Variants in RALGAPB observed in about 807,000 individuals in gnomAD.
The protein encoded by RALGAPB is ral GTPase-activating protein subunit beta.
Under a neutral mutation model 161.1 loss-of-function variants are expected in RALGAPB, and 25 were observed. The observed-to-expected ratio is 0.16, with a 90% CI of 0.11 to 0.22. The LOEUF (loss-of-function observed/expected upper bound fraction) is 0.22. Ranked by LOEUF, RALGAPB falls within the 10% of genes least tolerant of loss-of-function variation. The probability of loss-of-function intolerance (pLI) is 1.00; values close to 1 mark genes in which losing one functional copy is unlikely to be tolerated. For synonymous variants in RALGAPB, 629 were observed against 626.1 expected, an observed-to-expected ratio of 1.00 and a Z score of -0.07; for missense variants, 1,391 against 1,815.2, an observed-to-expected ratio of 0.77 and a Z score of 4.25.
rs1477775963 is a variant in RALGAPB at position 38,575,711 on chromosome 20, TAA to T, written c.*745_*746del. 6.6e-6 allele frequency: 1 copy of T among 152,244 alleles called. No individual in the cohort carries two copies. The highest frequency in any genetic ancestry group is 2.4e-5 in the African/African-American group (1 of 41,434). 9.4% of individuals were successfully genotyped at this position (152,244 alleles called of 1,614,324 possible). On this transcript the variant is annotated 3_prime_UTR_variant, in exon 30 of 30. Transcript: ENST00000262879. Reference sequence around the variant, plus strand: ...ATAAAGTTTGTGGGGTTAAAAGTTATAAGACAGCAGTGATACCCCACTCTCTC... The same window carrying T: ...ATAAAGTTTGTGGGGTTAAAAGTTATGACAGCAGTGATACCCCACTCTCTC...
intron 22 of RALGAPB, among the ~76,000 whole-genome samples, chr20:38,557,355 G>C (rs1390807595): frequency 6.6e-6 from 1 of 152,106 alleles, no homozygotes; most frequent in Non-Finnish European, 1.5e-5. Flanking sequence ...AACCTGTATT[G>C]GTGCATTACT....
intron 1 of RALGAPB, among the ~76,000 whole-genome samples, chr20:38,473,997 G>C (rs1239529433): frequency 6.6e-6 from 1 of 152,202 alleles, no homozygotes; most frequent in African/African-American, 2.4e-5. Flanking sequence ...GGTTCCACCC[G>C]CAGAGATCTT....
chr20:38,543,787 A>T (rs2087059280), intron 18 of RALGAPB, among the ~76,000 whole-genome samples: 1 of 151,698 alleles, frequency 6.6e-6, no homozygotes, highest in Non-Finnish European at 1.5e-5. Flanking sequence ...AAATCTATCT[A>T]CCTCCATGGG....
chr20:38,506,058 TG>T (rs1438771624), intron 5 of RALGAPB, among the ~76,000 whole-genome samples: 30 of 3,418 alleles, frequency 8.8e-3, no homozygotes, highest in Non-Finnish European at 0.013. Context: ...TGCCTTCTAC[TG>T]CCTGAGTACT....
intron 23 of RALGAPB, 102 bp downstream of exon 23, chr20:38,558,555 C>A (rs2087675730): frequency 1.8e-6 from 2 of 1,142,830 alleles, no homozygotes; most frequent in Non-Finnish European, 1.2e-6. Flanking sequence ...TTTATTTGGG[C>A]CAGAGTTGAG....
At position 38,525,922 on chromosome 20, in the gene RALGAPB, G is replaced by A. The variant is rs750079083; in HGVS notation, c.1930G>A (p.Asp644Asn). 18 of 1,613,256 alleles carry A rather than the reference G, an allele frequency of 1.1e-5. No individual in the cohort carries two copies. In the Admixed American group the frequency reaches 2.7e-4, roughly 24 times the overall value. ...GGTCCTGGAAGGAAAGTTTAGTAAC[G>A]ATGACAGCTCTTCTTATGATAAACC... ...EVVLEGKFSN[D>N]DSSSYDKPIT... is the part of the protein sequence containing the mutation. Residue 644 changes from aspartate (D) to asparagine (N), a missense_variant, in exon 13 of 30, where the codon GAT (aspartate) becomes AAT (asparagine). By Grantham distance (23) the Asp-to-Asn change is conservative (BLOSUM62 1). Coordinates refer to ENST00000262879, the MANE Select transcript of RALGAPB (RefSeq NM_020336.4).
At chr20:38,534,999 G>T in intron 15 of RALGAPB, 75 bp from the exon 16 acceptor site, 4 of 1,518,008 alleles carry the variant, frequency 2.6e-6, no homozygotes, top group African/African-American at 1.4e-5. Context: ...GTGCCTAGTG[G>T]ATGCTGTGCT....
chr20:38,511,633 G>C (rs2085957865), intron 6 of RALGAPB, among the ~76,000 whole-genome samples: 1 of 152,182 alleles, frequency 6.6e-6, no homozygotes, highest in Admixed American at 6.5e-5. Context: ...ATGTTTTAGA[G>C]AGCACGGGGT....
chr20:38,574,095 T>G, intron 28 of RALGAPB, 55 bp from the exon 29 acceptor site: 1 of 1,510,674 alleles, frequency 6.6e-7, no homozygotes, highest in Non-Finnish European at 8.9e-7. Flanking sequence ...AACTCTTGGG[T>G]GTCTCGGGGA....
chr20:38,488,302 C>T, intron 1 of RALGAPB, 101 bp from the exon 2 acceptor site: 1 of 709,812 alleles, frequency 1.4e-6, no homozygotes, highest in Non-Finnish European at 2.2e-6. Context: ...AAGATGTTTG[C>T]AGCATTCTTT....
At position 38,569,981 on chromosome 20, in the gene RALGAPB, C is replaced by T. The variant is rs995476013; in HGVS notation, c.4048C>T (p.Arg1350Cys). 8 of 1,612,196 alleles carry T rather than the reference C, an allele frequency of 5.0e-6. No homozygotes were observed. Among genetic ancestry groups the T allele is most frequent in the South Asian group, 4.4e-5 (4 of 91,020 alleles). ...AAGAGTTTCTGTAGTCTGGGTGGAA[C>T]GCTATGATGATATAGGTACTGTATG... is the stretch of plus-strand genomic sequence containing the variant. The part of the protein sequence containing the change: ...ETRVSVVWVE[R>C]YDDIENFPLS... The change falls in exon 27 of 30, where the codon CGC becomes TGC. Residue 1350 changes from arginine to cysteine, a missense_variant. By Grantham distance (180) the Arg-to-Cys change is radical (BLOSUM62 -3). Transcript: ENST00000262879.
At chr20:38,505,810 A>C (rs1848271840) in intron 5 of RALGAPB, among the ~76,000 whole-genome samples, 1 of 152,196 alleles carries the variant, frequency 6.6e-6, no homozygotes, top group Non-Finnish European at 1.5e-5. Flanking sequence ...TGAACCTGCA[A>C]GATCTCGAAG....
intron 6 of RALGAPB, among the ~76,000 whole-genome samples, chr20:38,510,403 A>C (rs530241535): frequency 6.6e-6 from 1 of 152,320 alleles, no homozygotes; most frequent in South Asian, 2.1e-4. Context: ...ATTTACTGAT[A>C]TTTAGTAGGT....
rs375948582 is a variant in RALGAPB, at chr20:38,488,547, C to G, written c.115C>G (p.Arg39Gly). The G allele has an allele frequency of 6.2e-7, 1 of 1,614,020 alleles. No individual in the cohort carries two copies. The highest frequency in any genetic ancestry group is 1.3e-5 in the African/African-American group (1 of 74,896). ...VGREVANAVV[R>G]PLGQVLGTPS... The stretch of plus-strand genomic sequence containing the variant: ...ACGAGAGGTGGCAAATGCTGTAGTC[C>G]GTCCTCTTGGGCAGGTGTTAGGTAC... The change falls in exon 2 of 30, where the codon CGT becomes GGT. Residue 39 changes from arginine to glycine, a missense_variant. This residue lies in a region of RALGAPB where 946 missense variants were observed against 1,257.2 expected (regional missense o/e 0.75). Coordinates refer to ENST00000262879, the MANE Select transcript of RALGAPB (RefSeq NM_020336.4).
At chr20:38,565,303 T>TA (rs2087953157) in intron 24 of RALGAPB, 56 bp from the exon 25 acceptor site, 29 of 1,585,634 alleles carry the variant, frequency 1.8e-5, no homozygotes, top group Non-Finnish European at 2.4e-5. Flanking sequence ...AGCAAGATGA[T>TA]ACTGGTTTTT....
chr20:38,551,050 T>C (rs1309258684), intron 20 of RALGAPB, 21 bp from the exon 21 acceptor site: 2 of 1,612,198 alleles, frequency 1.2e-6, no homozygotes, highest in Non-Finnish European at 8.5e-7. Flanking sequence ...GTAATAAACA[T>C]AATGTTACTT....
intron 23 of RALGAPB, among the ~76,000 whole-genome samples, chr20:38,559,633 G>T (rs1274339216): frequency 1.3e-5 from 2 of 152,196 alleles, no homozygotes; most frequent in South Asian, 2.1e-4. Context: ...AGCAGAGGTT[G>T]CAGTGAGCCA....
chr20:38,529,660 G>A (rs963493664), intron 13 of RALGAPB, among the ~76,000 whole-genome samples: 7 of 151,676 alleles, frequency 4.6e-5, no homozygotes, highest in Admixed American at 6.6e-5. Flanking sequence ...GTGAAACCCC[G>A]TCTCTACTCA....
At chr20:38,480,233 C>A (rs535468702) in intron 1 of RALGAPB, among the ~76,000 whole-genome samples, 2 of 151,912 alleles carry the variant, frequency 1.3e-5, no homozygotes, top group South Asian at 4.2e-4. Flanking sequence ...CAGAGTCCTT[C>A]AAAATTGGTC....
Sources: allele counts gnomAD v4.1 joint callset (sites outside exome capture counted in the v4.1 genomes callset), GRCh38; gene constraint gnomAD v4.1.1; regional missense constraint gnomAD v4.1.1; transcripts MANE v1.5; gene names NCBI Gene and HGNC (gene_info 2026-07-23, HGNC 2026-07-21).